SEC16B: variants seen among roughly 807,000 people sequenced by gnomAD.
The protein encoded by SEC16B is protein transport protein Sec16B.
A neutral mutation model predicts 141.8 loss-of-function variants in SEC16B; 115 were observed. The ratio of observed to expected loss-of-function variants is 0.81; its 90% CI spans 0.70 to 0.95. The LOEUF is 0.95. SEC16B is among the 40% of genes least tolerant of loss of function. SEC16B has a pLI of 0.00. For missense variants in SEC16B, 1,291 were observed against 1,312.3 expected, an observed-to-expected ratio of 0.98 and a Z score of 0.25; for synonymous variants, 493 against 492.5, an observed-to-expected ratio of 1.00 and a Z score of -0.01.
Position 177,929,832 on chromosome 1 carries a change from G to A in SEC16B, c.*26C>T. 2.5e-6 allele frequency: 4 copies of A among 1,612,262 alleles called. No individual in the cohort carries two copies. In the African/African-American group the frequency reaches 5.3e-5, roughly 21 times the overall value. ...GAGCAAGAAAGTTTCAGTCCTGGGAGATGAGCCTGGGACGTGTGTTTATTC... is the reference window on the plus strand; with the variant it reads ...GAGCAAGAAAGTTTCAGTCCTGGGAAATGAGCCTGGGACGTGTGTTTATTC... On this transcript the variant is annotated 3_prime_UTR_variant, in exon 26 of 26. Transcript: ENST00000308284.
Position 177,951,570 on chromosome 1 carries a change from G to A in SEC16B, c.1545+344C>T, listed in dbSNP as rs74470413. 6.0e-3 allele frequency among the ~76,000 whole-genome samples: 915 copies of A among 152,328 alleles called. 11 individuals are homozygous for A. The highest frequency in any genetic ancestry group is 0.021 in the African/African-American group (880 of 41,582). ...AGGTCCTCTTGCCATTCACAGCAGA[G>A]CAGGCAGCTTTGACATTTTGGGAAG... On this transcript the variant is annotated intron_variant, in intron 12 of 25. Transcript: ENST00000308284.
intron 18 of SEC16B, among the ~76,000 whole-genome samples, chr1:177,938,838 G>A (rs10798581): frequency 0.12 from 19,018 of 152,252 alleles, 1,423 homozygotes; most frequent in East Asian, 0.35. Context: ...CTGTTCTTAA[G>A]GAATCAGAGT....
chr1:177,932,620 CCACTCCCAGAAGG>C, intron 23 of SEC16B, 51 bp from the exon 24 acceptor site: 1 of 1,502,228 alleles, frequency 6.7e-7, no homozygotes, highest in Non-Finnish European at 8.9e-7. Flanking sequence ...CTGGGGGTCC[CCACTCCCAGAAGG>C]CACCCCAACC....
Position 177,955,339 on chromosome 1 carries a change from A to T in SEC16B, c.1366-963T>A, listed in dbSNP as rs189074663. 5.0e-3 allele frequency among the ~76,000 whole-genome samples: 758 copies of T among 152,144 alleles called. 5 individuals are homozygous for T. The highest frequency in any genetic ancestry group is 0.017 in the African/African-American group (710 of 41,490). ...GCAAGACCCCATATCTACAAAAAAA[A>T]TTTAAATTAGCTGATAATTTTTTCT... is the stretch of plus-strand genomic sequence containing the variant. On this transcript the variant is annotated intron_variant, in intron 10 of 25. Coordinates refer to ENST00000308284, the MANE Select transcript of SEC16B (RefSeq NM_033127.4).
rs945091701 is a variant in SEC16B at position 177,940,768 on chromosome 1, G to C, written c.2023-54C>G. 5 of 1,227,202 alleles carry C rather than the reference G, an allele frequency of 4.1e-6. No individual in the cohort carries two copies. In the African/African-American group the frequency reaches 5.9e-5, roughly 15 times the overall value. The allele number at this position is 1,227,202 out of a possible 1,614,324, so 76.0% of individuals were successfully genotyped here. Reference sequence around the variant, plus strand: ...GCAGAAAGTAAGAGAGGAGAGGAGAGAGAGGGAAGAGAAATGGAAAGACAA... The same window carrying C: ...GCAGAAAGTAAGAGAGGAGAGGAGACAGAGGGAAGAGAAATGGAAAGACAA... On this transcript the variant is annotated intron_variant, in intron 16 of 25. Coordinates refer to ENST00000308284, the MANE Select transcript of SEC16B (RefSeq NM_033127.4).
chr1:177,975,765 G>A (rs1654146404), intron 1 of SEC16B, among the ~76,000 whole-genome samples: 1 of 152,172 alleles, frequency 6.6e-6, no homozygotes, highest in Admixed American at 6.5e-5. Flanking sequence ...GGGAGTGACG[G>A]TTTAGTGCAG....
At chr1:177,933,705 C>A (rs1650626586) in intron 20 of SEC16B, 69 bp from the exon 21 acceptor site, 1 of 1,508,464 alleles carries the variant, frequency 6.6e-7, no homozygotes, top group East Asian at 2.3e-5. Flanking sequence ...TGCACATACT[C>A]CCTCACCTGA....
chr1:177,949,268 C>A lies in SEC16B; in HGVS notation c.1546-1326G>T, dbSNP rs577375063. ...ACTATATCCTGTGCTAAGCATTTCT[C>A]CTACCAATAATCACATGTGCTAAGT... On this transcript the variant is annotated intron_variant, in intron 12 of 25. Coordinates refer to ENST00000308284, the MANE Select transcript of SEC16B (RefSeq NM_033127.4). 1.2e-4 allele frequency among the ~76,000 whole-genome samples: 18 copies of A among 152,110 alleles called. No homozygotes were observed. The South Asian group carries it at 3.7e-3, about 32-fold the overall frequency.
intron 13 of SEC16B, among the ~76,000 whole-genome samples, chr1:177,947,478 T>C (rs1651799326): frequency 6.6e-6 from 1 of 151,974 alleles, no homozygotes; most frequent in Non-Finnish European, 1.5e-5. Context: ...AGGAGACTCC[T>C]ACAGCAGCAG....
At position 177,967,682 on chromosome 1, in the gene SEC16B, C is replaced by T. The variant is rs974549481; in HGVS notation, c.299+1G>A. The T allele has an allele frequency of 4.4e-6, 7 of 1,587,166 alleles. No individual in the cohort carries two copies. The highest frequency in any genetic ancestry group is 3.4e-5 in the Admixed American group (2 of 58,736). On this transcript the variant is annotated splice_donor_variant, in intron 2 of 25. Coordinates refer to ENST00000308284, the MANE Select transcript of SEC16B (RefSeq NM_033127.4). LOFTEE classifies it high-confidence loss of function. ...ATTCATTCCAAGCCCTAAAGCCATA[C>T]CTTGAATACAACTGATTGCGATAAC...
Position 177,958,112 on chromosome 1 carries a change from T to G in SEC16B, c.1365+20A>C. 6.9e-7 allele frequency: 1 copy of G among 1,452,406 alleles called. No homozygotes were observed. Among genetic ancestry groups the G allele is most frequent in the Non-Finnish European group, 9.2e-7 (1 of 1,092,872 alleles). The allele number at this position is 1,452,406 out of a possible 1,614,324, so 90.0% of individuals were successfully genotyped here. ...GGTGATTGCTTTTTCAAAATAAGTA[T>G]GGGGGAAGGGCATACTTGCCTTCTT... On this transcript the variant is annotated intron_variant, in intron 10 of 25. Transcript: ENST00000308284.
chr1:177,955,925 G>C (rs1652565158), intron 10 of SEC16B, among the ~76,000 whole-genome samples: 1 of 152,218 alleles, frequency 6.6e-6, no homozygotes, highest in South Asian at 2.1e-4. Context: ...TTAATGTCAA[G>C]CTATAGGGGG....
intron 14 of SEC16B, chr1:177,945,960 C>T: frequency 4.0e-6 from 1 of 251,764 alleles, no homozygotes; most frequent in Non-Finnish European, 7.6e-6. Context: ...AGCTTGTGCA[C>T]CAAGTCATTG....
At chr1:177,965,727 C>G (rs1653464480) in intron 3 of SEC16B, among the ~76,000 whole-genome samples, 166 bp downstream of exon 3, 1 of 152,198 alleles carries the variant, frequency 6.6e-6, no homozygotes, top group Non-Finnish European at 1.5e-5. Context: ...TCCTTTATAT[C>G]TCTTCTCAGG....
Position 177,940,671 on chromosome 1 carries a change from C to A in SEC16B, c.2066G>T (p.Arg689Ile). 1 of 1,613,936 alleles carries A rather than the reference C, an allele frequency of 6.2e-7. No homozygotes were observed. Among genetic ancestry groups the A allele is most frequent in the Non-Finnish European group, 8.5e-7 (1 of 1,179,870 alleles). The change falls in exon 17 of 26, where the codon AGA (arginine) becomes ATA (isoleucine). Residue 689 changes from arginine to isoleucine, a missense_variant. Around this residue, in one of 3 missense-constraint regions of SEC16B, gnomAD observed 605 missense variants for 614.1 expected, o/e 0.99. Transcript: ENST00000308284. The part of the protein sequence containing the change: ...LKLSDPLVLE[R>I]RSGDRDLEPD... ...CTCCAGGTCCCTGTCTCCACTGCGT[C>A]TTTCTAAAACCAGAGGATCTGACAG...
chr1:177,930,858 G>C (rs750087366), intron 24 of SEC16B, among the ~76,000 whole-genome samples: 3 of 152,110 alleles, frequency 2.0e-5, no homozygotes, highest in Non-Finnish European at 4.4e-5. Context: ...ATAATCATCA[G>C]GGAAATGCAA....
At chr1:177,966,370 T>C (rs1403687181) in intron 2 of SEC16B, among the ~76,000 whole-genome samples, 2 of 152,210 alleles carry the variant, frequency 1.3e-5, no homozygotes, top group African/African-American at 4.8e-5. Flanking sequence ...CTTCCTGAGA[T>C]GACTGTGTTA....
At chr1:177,966,992 C>T (rs1653576553) in intron 2 of SEC16B, among the ~76,000 whole-genome samples, 1 of 152,176 alleles carries the variant, frequency 6.6e-6, no homozygotes, top group Admixed American at 6.5e-5. Context: ...TGAAGTAGAA[C>T]ATAGACGGCT....
chr1:177,929,951 T>A, intron 25 of SEC16B, 22 bp from the exon 26 acceptor site: 1 of 1,611,058 alleles, frequency 6.2e-7, no homozygotes, highest in Admixed American at 1.7e-5. Flanking sequence ...GAACAAATAT[T>A]ACACTGAGTA....
Sources: allele counts gnomAD v4.1 joint callset (sites outside exome capture counted in the v4.1 genomes callset), GRCh38; gene constraint gnomAD v4.1.1; regional missense constraint gnomAD v4.1.1; transcripts MANE v1.5; gene names NCBI Gene and HGNC (gene_info 2026-07-23, HGNC 2026-07-21).